Variants in DOCK3 observed in about 807,000 individuals in gnomAD.
The protein encoded by DOCK3 is dedicator of cytokinesis protein 3.
In DOCK3, 60 loss-of-function variants were observed where a neutral mutation model predicts 265.6. That is an observed-to-expected ratio of 0.23 (90% CI 0.18 to 0.28). The LOEUF (loss-of-function observed/expected upper bound fraction) is 0.28, where lower values mean the gene tolerates loss of function less well. DOCK3 is among the 10% of genes least tolerant of loss of function. DOCK3 has a pLI of 1.00. For missense variants in DOCK3, 1,981 were observed against 2,594.3 expected, an observed-to-expected ratio of 0.76 and a Z score of 5.14; for synonymous variants, 881 against 938.0, an observed-to-expected ratio of 0.94 and a Z score of 1.11.
intron 18 of DOCK3, among the ~76,000 whole-genome samples, chr3:51,229,058 C>G (rs1051024920): frequency 6.6e-6 from 1 of 152,166 alleles, no homozygotes; most frequent in Admixed American, 6.5e-5. Flanking sequence ...GAGTCTTTGG[C>G]CTTAGACTCA....
chr3:51,159,395 C>A, intron 11 of DOCK3, 91 bp downstream of exon 11: 1 of 1,202,788 alleles, frequency 8.3e-7, no homozygotes, highest in Non-Finnish European at 1.2e-6. Flanking sequence ...CTCCCTAGAT[C>A]TTACCTGTAA....
intron 19 of DOCK3, among the ~76,000 whole-genome samples, 166 bp downstream of exon 19, chr3:51,229,775 TTTTTA>T (rs1327129442): frequency 6.6e-6 from 1 of 152,212 alleles, no homozygotes; most frequent in Non-Finnish European, 1.5e-5. Context: ...ATGCTTTTAT[TTTTTA>T]TTTTATTTTT....
At chr3:51,019,495 G>T (rs1220918576) in intron 5 of DOCK3, among the ~76,000 whole-genome samples, 2 of 151,692 alleles carry the variant, frequency 1.3e-5, no homozygotes, top group Non-Finnish European at 2.9e-5. Context: ...AAGTTCTGGG[G>T]TACATGTGCA....
chr3:50,812,974 T>A (rs537440540), intron 2 of DOCK3, among the ~76,000 whole-genome samples: 10 of 152,382 alleles, frequency 6.6e-5, no homozygotes, highest in Non-Finnish European at 1.3e-4. Context: ...TGAGATTTGT[T>A]TCAATTTTAT....
At chr3:50,763,116 C>G (rs182581293) in intron 1 of DOCK3, among the ~76,000 whole-genome samples, 1 of 152,040 alleles carries the variant, frequency 6.6e-6, no homozygotes, top group Admixed American at 6.6e-5. Flanking sequence ...TTTCAACTTA[C>G]AGTGGGGTTA....
At chr3:51,228,415 G>T (rs1264915805) in intron 17 of DOCK3, among the ~76,000 whole-genome samples, 1 of 152,158 alleles carries the variant, frequency 6.6e-6, no homozygotes, top group East Asian at 1.9e-4. Context: ...AACTGTCATA[G>T]CATAGCTGCC....
intron 7 of DOCK3, among the ~76,000 whole-genome samples, chr3:51,078,280 A>G (rs984150686): frequency 2.6e-5 from 4 of 152,232 alleles, no homozygotes; most frequent in African/African-American, 9.6e-5. Context: ...AGGTTAGAAA[A>G]TAGAGAAAAA....
chr3:51,355,144 A>C, intron 41 of DOCK3, 121 bp downstream of exon 41: 6 of 1,342,888 alleles, frequency 4.5e-6, no homozygotes, highest in Non-Finnish European at 5.0e-6. Context: ...ATAGTCCTAA[A>C]CCTGAGTGTG....
intron 5 of DOCK3, among the ~76,000 whole-genome samples, chr3:51,017,262 A>C (rs1362627164): frequency 6.7e-6 from 1 of 150,124 alleles, no homozygotes; most frequent in Non-Finnish European, 1.5e-5. Flanking sequence ...TGAGTCTTCT[A>C]TTTTTATCTT....
chr3:50,785,317 CTT>C (rs898818083), intron 2 of DOCK3, among the ~76,000 whole-genome samples: 4 of 152,084 alleles, frequency 2.6e-5, no homozygotes, highest in African/African-American at 4.8e-5. Flanking sequence ...ATTTCTTTCT[CTT>C]GTCTGATTGC....
At chr3:50,932,817 CT>C (rs1202307267) in intron 4 of DOCK3, among the ~76,000 whole-genome samples, 3 of 152,174 alleles carry the variant, frequency 2.0e-5, no homozygotes, top group Non-Finnish European at 4.4e-5. Flanking sequence ...GTTCATTGAT[CT>C]GCTCATTGTA....
intron 1 of DOCK3, among the ~76,000 whole-genome samples, chr3:50,730,228 G>A (rs1407309570): frequency 2.0e-5 from 3 of 152,030 alleles, no homozygotes; most frequent in Non-Finnish European, 4.4e-5. Flanking sequence ...TGCAACCTCT[G>A]CCTCTCAGGT....
chr3:51,056,438 C>T (rs920319136), intron 5 of DOCK3, among the ~76,000 whole-genome samples: 5 of 151,978 alleles, frequency 3.3e-5, no homozygotes, highest in Admixed American at 2.0e-4. Flanking sequence ...TTAGTAGAGA[C>T]GAGGTTTCAC....
intron 1 of DOCK3, among the ~76,000 whole-genome samples, chr3:50,739,068 G>T (rs912655872): frequency 6.6e-6 from 1 of 151,840 alleles, no homozygotes; most frequent in Admixed American, 6.6e-5. Context: ...GAGTTTTTGG[G>T]GGGGGGTTAT....
At chr3:51,317,485 C>T (rs1468267637) in intron 32 of DOCK3, among the ~76,000 whole-genome samples, 2 of 150,828 alleles carry the variant, frequency 1.3e-5, no homozygotes, top group Non-Finnish European at 3.0e-5. Flanking sequence ...GAGGCTGAGG[C>T]AGGGGAATCA....
chr3:51,117,607 G>A lies in DOCK3; in HGVS notation c.746+27223G>A, dbSNP rs545256929. Among the ~76,000 whole-genome samples the A allele has an allele frequency of 1.6e-4, 25 of 152,026 alleles. No individual in the cohort carries two copies. The East Asian group carries it at 4.6e-3, about 28-fold the overall frequency. On this transcript the variant is annotated intron_variant, in intron 9 of 52. Coordinates refer to ENST00000266037, the MANE Select transcript of DOCK3 (RefSeq NM_004947.5). Reference sequence around the variant, plus strand: ...TCCATCTGATCCTCGGGTTTTTTTGGTTGGTAGGCTGTTAATTACTGCCTC... The same window carrying A: ...TCCATCTGATCCTCGGGTTTTTTTGATTGGTAGGCTGTTAATTACTGCCTC...
At chr3:50,776,709 C>T (rs1233186900) in intron 1 of DOCK3, among the ~76,000 whole-genome samples, 2 of 151,962 alleles carry the variant, frequency 1.3e-5, no homozygotes, top group Non-Finnish European at 2.9e-5. Flanking sequence ...GGTTTCAAGT[C>T]TTGGATTTAA....
intron 1 of DOCK3, among the ~76,000 whole-genome samples, chr3:50,778,418 G>C (rs1301775058): frequency 6.6e-6 from 1 of 152,136 alleles, no homozygotes; most frequent in African/African-American, 2.4e-5. Flanking sequence ...TCTGTTAATA[G>C]AAATGTTTTT....
At chr3:50,939,965 C>G (rs1234390226) in intron 5 of DOCK3, among the ~76,000 whole-genome samples, 1 of 152,036 alleles carries the variant, frequency 6.6e-6, no homozygotes, top group Non-Finnish European at 1.5e-5. Context: ...CTCAAGGAAT[C>G]AACAAACAAG....
Sources: gnomAD v4.1 joint callset for allele counts (sites outside exome capture counted in the v4.1 genomes callset) on GRCh38, gnomAD v4.1.1 for gene constraint, MANE v1.5 for transcripts, NCBI Gene and HGNC (gene_info 2026-07-23, HGNC 2026-07-21) for gene names.